The following KIAA1549L variants were observed in gnomAD, a reference collection of about 807,000 sequenced individuals.
The protein encoded by KIAA1549L is UPF0606 protein KIAA1549L.
In KIAA1549L, 88 loss-of-function variants were observed where a neutral mutation model predicts 160.7. The ratio of observed to expected loss-of-function variants is 0.55; its 90% CI spans 0.46 to 0.65. The LOEUF is 0.65. KIAA1549L is among the 30% of genes least tolerant of loss of function. KIAA1549L has a pLI of 0.00. For synonymous variants in KIAA1549L, 950 were observed against 976.7 expected, an observed-to-expected ratio of 0.97 and a Z score of 0.51; for missense variants, 2,258 against 2,437.5, an observed-to-expected ratio of 0.93 and a Z score of 1.55.
chr11:33,394,217 T>TAAACA (rs902773619), intron 1 of KIAA1549L, among the ~76,000 whole-genome samples: 6 of 151,826 alleles, frequency 4.0e-5, no homozygotes, highest in African/African-American at 1.5e-4. Context: ...TACCAAAAAC[T>TAAACA]AAACAAAACA....
At chr11:33,508,966 T>A (rs1464299975) in intron 1 of KIAA1549L, among the ~76,000 whole-genome samples, 1 of 152,208 alleles carries the variant, frequency 6.6e-6, no homozygotes, top group Non-Finnish European at 1.5e-5. Context: ...TTCTGTCGTC[T>A]CTTTGGGGGA....
intron 1 of KIAA1549L, among the ~76,000 whole-genome samples, chr11:33,453,347 A>C (rs905995655): frequency 6.6e-6 from 1 of 152,182 alleles, no homozygotes; most frequent in Non-Finnish European, 1.5e-5. Flanking sequence ...GGAGGGTAAT[A>C]ATTAGCAAAG....
At chr11:33,591,927 C>A (rs546747572) in intron 12 of KIAA1549L, among the ~76,000 whole-genome samples, 1 of 152,184 alleles carries the variant, frequency 6.6e-6, no homozygotes, top group Admixed American at 6.5e-5. Context: ...ACTGGAATAC[C>A]GAGGATGAGG....
chr11:33,530,873 A>G (rs1462018153), intron 1 of KIAA1549L, among the ~76,000 whole-genome samples: 1 of 152,210 alleles, frequency 6.6e-6, no homozygotes, highest in Non-Finnish European at 1.5e-5. Flanking sequence ...CTTATCCAAT[A>G]TGGAAAAATG....
At chr11:33,524,856 C>A (rs1853577477) in intron 1 of KIAA1549L, among the ~76,000 whole-genome samples, 1 of 152,128 alleles carries the variant, frequency 6.6e-6, no homozygotes, top group Non-Finnish European at 1.5e-5. Context: ...TAAAAATAAG[C>A]AGACTGGAGA....
rs1184319010 is a variant in KIAA1549L, at chr11:33,671,935, G to A, written c.*3781G>A. ...TAAGGAAAGAGTGTCATTTAGCTTG[G>A]AGTAGGGACTGACTGGGGTCTAAGT... is the stretch of plus-strand genomic sequence containing the variant. On this transcript the variant is annotated 3_prime_UTR_variant, in exon 21 of 21. Transcript: ENST00000658780. 4 of 151,262 alleles carry A rather than the reference G, an allele frequency of 2.6e-5. No individual in the cohort carries two copies. Among genetic ancestry groups the A allele is most frequent in the African/African-American group, 9.7e-5 (4 of 41,066 alleles). The allele number at this position is 151,262 out of a possible 1,614,324, so 9.4% of individuals were successfully genotyped here. A position where few individuals can be genotyped will look rare whatever the true frequency, so the allele number is the denominator to read the frequency against.
chr11:33,577,489 A>G (rs1590361282), intron 10 of KIAA1549L, among the ~76,000 whole-genome samples: 1 of 152,160 alleles, frequency 6.6e-6, no homozygotes, highest in African/African-American at 2.4e-5. Context: ...GAATGAGGCA[A>G]TGGGATCTGG....
At chr11:33,535,835 G>A (rs1853881968) in intron 1 of KIAA1549L, among the ~76,000 whole-genome samples, 1 of 152,002 alleles carries the variant, frequency 6.6e-6, no homozygotes, top group Non-Finnish European at 1.5e-5. Context: ...TTCCTAAAGT[G>A]TGTTTTAAGT....
intron 1 of KIAA1549L, among the ~76,000 whole-genome samples, chr11:33,483,714 G>A (rs1390900737): frequency 2.0e-5 from 3 of 152,174 alleles, no homozygotes; most frequent in Non-Finnish European, 2.9e-5. Context: ...TAGTGAATAA[G>A]TCTTATGAGC....
chr11:33,469,131 C>T (rs892457009), intron 1 of KIAA1549L, among the ~76,000 whole-genome samples: 12 of 152,212 alleles, frequency 7.9e-5, no homozygotes, highest in Non-Finnish European at 1.6e-4. Context: ...ACTATCACCA[C>T]GATCTAATTT....
chr11:33,435,798 A>ATATATATGTGTGTGTGTGTGTG (rs1565135875), intron 1 of KIAA1549L, among the ~76,000 whole-genome samples: 1 of 7,626 alleles, frequency 1.3e-4, no homozygotes, highest in African/African-American at 8.1e-4. Context: ...ATATATATAT[A>ATATATATGTGTGTGTGTGTGTG]TATATATATA....
At chr11:33,379,067 C>T (rs906588865) in intron 1 of KIAA1549L, among the ~76,000 whole-genome samples, 10 of 152,112 alleles carry the variant, frequency 6.6e-5, no homozygotes, top group Admixed American at 5.2e-4. Context: ...AGAATGCGTC[C>T]GACCCTGAGA....
intron 1 of KIAA1549L, among the ~76,000 whole-genome samples, chr11:33,418,156 C>T (rs1732065278): frequency 6.6e-6 from 1 of 152,180 alleles, no homozygotes; most frequent in Non-Finnish European, 1.5e-5. Context: ...TTATTGTTTG[C>T]TTTCTCAACT....
chr11:33,630,442 C>T (rs1851249292), intron 16 of KIAA1549L, among the ~76,000 whole-genome samples: 2 of 152,038 alleles, frequency 1.3e-5, no homozygotes, highest in African/African-American at 2.4e-5. Flanking sequence ...ACTCCGTGGG[C>T]GTAGGCCCCT....
chr11:33,555,336 G>C (rs1003792960), intron 6 of KIAA1549L, among the ~76,000 whole-genome samples: 1 of 152,072 alleles, frequency 6.6e-6, no homozygotes, highest in Non-Finnish European at 1.5e-5. Context: ...GAATCTCAAG[G>C]GGCTTTGAGT....
rs377030952 is a variant in KIAA1549L, at chr11:33,671,741, G to A, written c.*3587G>A. Reference sequence around the variant, plus strand: ...ATTTAAACATTGATTACATATAAACGAGTTTCCTTTTTTTCTACATAGCAC... The same window carrying A: ...ATTTAAACATTGATTACATATAAACAAGTTTCCTTTTTTTCTACATAGCAC... On this transcript the variant is annotated 3_prime_UTR_variant, in exon 21 of 21. Transcript: ENST00000658780. 1 of 152,136 alleles carries A rather than the reference G, an allele frequency of 6.6e-6. No homozygotes were observed. Among genetic ancestry groups the A allele is most frequent in the Non-Finnish European group, 1.5e-5 (1 of 68,030 alleles). 9.4% of individuals were successfully genotyped at this position (152,136 alleles called of 1,614,324 possible).
At chr11:33,480,271 C>CT (rs2133046261) in intron 1 of KIAA1549L, among the ~76,000 whole-genome samples, 1 of 152,294 alleles carries the variant, frequency 6.6e-6, no homozygotes, top group East Asian at 1.9e-4. Context: ...CGCCAATCTC[C>CT]TTTCTATCTC....
At chr11:33,610,009 G>A (rs1850609170) in intron 15 of KIAA1549L, 43 bp downstream of exon 15, 11 of 1,486,892 alleles carry the variant, frequency 7.4e-6, no homozygotes, top group Non-Finnish European at 1.0e-5. Flanking sequence ...TGTATCATTG[G>A]TGGGATAAGG....
chr11:33,452,477 G>A (rs1474804407), intron 1 of KIAA1549L, among the ~76,000 whole-genome samples: 8 of 152,098 alleles, frequency 5.3e-5, no homozygotes, highest in South Asian at 4.2e-4. Flanking sequence ...GCGTAGTGGC[G>A]GGCAGCTGTA....
Sources: allele counts gnomAD v4.1 joint callset (sites outside exome capture counted in the v4.1 genomes callset), GRCh38; gene constraint gnomAD v4.1.1; transcripts MANE v1.5; gene names NCBI Gene and HGNC (gene_info 2026-07-23, HGNC 2026-07-21).